ITSN1: variants seen among roughly 807,000 people sequenced by gnomAD.
ITSN1 encodes intersectin-1.
Under a neutral mutation model 239.8 loss-of-function variants are expected in ITSN1, and 58 were observed. The ratio of observed to expected loss-of-function variants is 0.24; its 90% CI spans 0.20 to 0.30. The LOEUF is 0.30. ITSN1 is among the 10% of genes least tolerant of loss of function. ITSN1 has a pLI of 1.00. For missense variants in ITSN1, 1,558 were observed against 2,103.3 expected, an observed-to-expected ratio of 0.74 and a Z score of 5.07; for synonymous variants, 780 against 770.8, an observed-to-expected ratio of 1.01 and a Z score of -0.20.
At chr21:33,707,825 T>G (rs762947437) in intron 1 of ITSN1, among the ~76,000 whole-genome samples, 8 of 152,246 alleles carry the variant, frequency 5.3e-5, no homozygotes, top group Admixed American at 3.3e-4. Context: ...TTTCAGTTTT[T>G]GGCTCTTAAA....
At chr21:33,746,806 T>G (rs138538077) in intron 5 of ITSN1, among the ~76,000 whole-genome samples, 2 of 152,096 alleles carry the variant, frequency 1.3e-5, no homozygotes, top group African/African-American at 4.8e-5. Context: ...TGCGCCATTA[T>G]ACTCCAGCCT....
intron 22 of ITSN1, chr21:33,817,443 G>T: frequency 7.7e-7 from 1 of 1,304,364 alleles, no homozygotes; most frequent in Non-Finnish European, 1.0e-6. Flanking sequence ...TGAAATTTAC[G>T]CTGATGCCCC....
intron 33 of ITSN1, among the ~76,000 whole-genome samples, chr21:33,869,441 G>T (rs960903572): frequency 1.3e-5 from 2 of 152,200 alleles, no homozygotes; most frequent in Non-Finnish European, 2.9e-5. Context: ...TCTCCACCTG[G>T]TCTCTCCCAC....
chr21:33,679,530 G>A (rs1196942106), intron 1 of ITSN1, among the ~76,000 whole-genome samples: 2 of 152,078 alleles, frequency 1.3e-5, no homozygotes, highest in African/African-American at 4.8e-5. Flanking sequence ...TTTTTGTTAT[G>A]TGTATTTTCA....
At chr21:33,737,567 TTTTATTTA>T (rs960976502) in intron 5 of ITSN1, among the ~76,000 whole-genome samples, 1 of 152,056 alleles carries the variant, frequency 6.6e-6, no homozygotes, top group Admixed American at 6.5e-5. Context: ...ATTGTCATTG[TTTTATTTA>T]TTTATTTATT....
intron 17 of ITSN1, among the ~76,000 whole-genome samples, chr21:33,796,121 G>A (rs1045066294): frequency 8.6e-5 from 13 of 151,896 alleles, no homozygotes; most frequent in African/African-American, 2.9e-4. Flanking sequence ...GTGCTACCAC[G>A]CCCAGCTAAT....
intron 16 of ITSN1, among the ~76,000 whole-genome samples, chr21:33,784,572 C>T (rs1440754678): frequency 5.9e-5 from 9 of 152,122 alleles, no homozygotes; most frequent in Non-Finnish European, 5.9e-5. Flanking sequence ...TTATTTAACA[C>T]GCATTTGGAG....
chr21:33,876,102 CTTCTTTCTTTCTTTCTTTCTTTCT>C (rs750725563), intron 34 of ITSN1, among the ~76,000 whole-genome samples: 36 of 110,218 alleles, frequency 3.3e-4, no homozygotes, highest in Middle Eastern at 4.7e-3. Flanking sequence ...TCTTTCTTTC[CTTCTTTCTTTCTTTCTTTCTTTCT>C]TTCTTTCTTT....
At chr21:33,875,734 G>A (rs1404460637) in intron 34 of ITSN1, among the ~76,000 whole-genome samples, 1 of 152,198 alleles carries the variant, frequency 6.6e-6, no homozygotes, top group Non-Finnish European at 1.5e-5. Flanking sequence ...AGGTTGGAGT[G>A]CAGTGGCACC....
chr21:33,751,199 G>T (rs2067526782), intron 6 of ITSN1, among the ~76,000 whole-genome samples: 1 of 152,198 alleles, frequency 6.6e-6, no homozygotes, highest in African/African-American at 2.4e-5. Flanking sequence ...GTGTGCAGTT[G>T]TTTTTCCAGG....
chr21:33,883,779 T>A, intron 36 of ITSN1, 108 bp downstream of exon 36: 1 of 1,358,392 alleles, frequency 7.4e-7, no homozygotes, highest in Non-Finnish European at 1.0e-6. Flanking sequence ...GGCAATGCCA[T>A]CACCCCTAGC....
chr21:33,725,132 T>TG (rs2065747766), intron 4 of ITSN1, among the ~76,000 whole-genome samples: 1 of 119,600 alleles, frequency 8.4e-6, no homozygotes, highest in African/African-American at 3.5e-5. Flanking sequence ...TTTTTTTTTT[T>TG]GTTTTTTTTT....
rs368293362 is a variant in ITSN1 at position 33,810,808 on chromosome 21, G to T, written c.2320-167G>T. 6.1e-5 allele frequency: 50 copies of T among 818,616 alleles called. No individual in the cohort carries two copies. The highest frequency in any genetic ancestry group is 2.8e-4 in the African/African-American group (16 of 57,944). The allele number at this position is 818,616 out of a possible 1,614,324, so 50.7% of individuals were successfully genotyped here. ...GAATTATAGTGCATTTTTTTTTTCA[G>T]CATTACTGCTTAGACTCTTTTCCCA... On this transcript the variant is annotated intron_variant, in intron 20 of 39. Coordinates refer to ENST00000381318, the MANE Select transcript of ITSN1 (RefSeq NM_003024.3).
At position 33,888,604 on chromosome 21, in the gene ITSN1, T is replaced by G; in HGVS notation, c.*304T>G. The stretch of plus-strand genomic sequence containing the variant: ...AGGGTGCAGCTGGGAGTCTAGCCCC[T>G]TCCCGGGCTTGAGGGATGGGTCTGG... On this transcript the variant is annotated 3_prime_UTR_variant, in exon 40 of 40. Coordinates refer to ENST00000381318, the MANE Select transcript of ITSN1 (RefSeq NM_003024.3). 1 of 246,674 alleles carries G rather than the reference T, an allele frequency of 4.1e-6. No individual in the cohort carries two copies. Among genetic ancestry groups the G allele is most frequent in the East Asian group, 8.4e-5 (1 of 11,946 alleles). 15.3% of individuals were successfully genotyped at this position (246,674 alleles called of 1,614,324 possible).
intron 35 of ITSN1, among the ~76,000 whole-genome samples, chr21:33,883,105 C>G (rs1252844431): frequency 2.0e-5 from 3 of 152,148 alleles, no homozygotes; most frequent in Non-Finnish European, 4.4e-5. Context: ...TTACTAGAAA[C>G]TTCATGTGAA....
chr21:33,660,364 T>G (rs2089457721), intron 1 of ITSN1, among the ~76,000 whole-genome samples: 1 of 152,248 alleles, frequency 6.6e-6, no homozygotes, highest in Non-Finnish European at 1.5e-5. Context: ...TTTCTTCATG[T>G]GGATTTTTGT....
At chr21:33,737,213 C>T (rs985732253) in intron 5 of ITSN1, among the ~76,000 whole-genome samples, 3 of 152,132 alleles carry the variant, frequency 2.0e-5, no homozygotes, top group African/African-American at 7.2e-5. Context: ...GATTTAGTTT[C>T]AGGAGGTTGT....
At chr21:33,654,039 T>C (rs1434237536) in intron 1 of ITSN1, among the ~76,000 whole-genome samples, 1 of 151,902 alleles carries the variant, frequency 6.6e-6, no homozygotes. Context: ...CCTCTTTCTC[T>C]TTCTTTCTCT....
chr21:33,651,708 A>G (rs2146129041), intron 1 of ITSN1, among the ~76,000 whole-genome samples: 1 of 152,360 alleles, frequency 6.6e-6, no homozygotes, highest in East Asian at 1.9e-4. Flanking sequence ...ATGAATCCTT[A>G]AAATAGCAGG....
Sources: allele counts gnomAD v4.1 joint callset (sites outside exome capture counted in the v4.1 genomes callset), GRCh38; gene constraint gnomAD v4.1.1; transcripts MANE v1.5; gene names NCBI Gene and HGNC (gene_info 2026-07-23, HGNC 2026-07-21).